The following KATNAL1 variants were observed in gnomAD, a reference collection of about 807,000 sequenced individuals.
KATNAL1 encodes the protein katanin p60 ATPase-containing subunit A-like 1.
KATNAL1 carries 32 observed loss-of-function variants against 55.2 expected under a neutral mutation model. The ratio of observed to expected loss-of-function variants is 0.58; its 90% CI spans 0.44 to 0.78. KATNAL1 has a LOEUF of 0.78. Among genes scored for constraint, KATNAL1 ranks in the 30% least tolerant of loss-of-function variants. The probability of loss-of-function intolerance (pLI) is 0.00; values close to 1 mark genes in which losing one functional copy is unlikely to be tolerated. For synonymous variants in KATNAL1, 193 were observed against 193.6 expected, an observed-to-expected ratio of 1.00 and a Z score of 0.02; for missense variants, 466 against 600.9, an observed-to-expected ratio of 0.78 and a Z score of 2.35.
intron 8 of KATNAL1, among the ~76,000 whole-genome samples, chr13:30,229,948 CTTTTTTTTT>C (rs35961753): frequency 7.3e-6 from 1 of 137,094 alleles, no homozygotes. Flanking sequence ...AGAAGAGGGG[CTTTTTTTTT>C]TTTTTTTTTA....
chr13:30,258,139 G>A (rs1046877573), intron 3 of KATNAL1, among the ~76,000 whole-genome samples: 14 of 152,102 alleles, frequency 9.2e-5, no homozygotes, highest in African/African-American at 3.1e-4. Context: ...ACTAGCTTAC[G>A]GCACTTCAAA....
At chr13:30,218,090 G>A (rs1874470455) in intron 9 of KATNAL1, among the ~76,000 whole-genome samples, 2 of 151,932 alleles carry the variant, frequency 1.3e-5, no homozygotes, top group African/African-American at 2.4e-5. Context: ...GAAGTAGGAA[G>A]AAGCATGCGT....
At chr13:30,269,363 C>T (rs1186122730) in intron 3 of KATNAL1, among the ~76,000 whole-genome samples, 4 of 152,234 alleles carry the variant, frequency 2.6e-5, no homozygotes, top group African/African-American at 4.8e-5. Flanking sequence ...GGATTGCAGA[C>T]GGAGTCTGGT....
chr13:30,253,744 TA>T (rs1366612778), intron 4 of KATNAL1, among the ~76,000 whole-genome samples: 3 of 152,048 alleles, frequency 2.0e-5, no homozygotes, highest in African/African-American at 7.2e-5. Flanking sequence ...GAGTCACATT[TA>T]AAAACCAACA....
intron 2 of KATNAL1, among the ~76,000 whole-genome samples, chr13:30,282,833 T>C (rs1330124292): frequency 6.6e-6 from 1 of 150,470 alleles, no homozygotes; most frequent in Non-Finnish European, 1.5e-5. Context: ...TGGGCGCATG[T>C]AGTCCCAGCT....
At chr13:30,247,417 T>G (rs1050414643) in intron 4 of KATNAL1, among the ~76,000 whole-genome samples, 2 of 152,244 alleles carry the variant, frequency 1.3e-5, no homozygotes, top group Non-Finnish European at 2.9e-5. Flanking sequence ...TCAATACGTA[T>G]GTTCTTTCAA....
chr13:30,246,401 G>C (rs1001627965), intron 4 of KATNAL1, among the ~76,000 whole-genome samples: 4 of 152,112 alleles, frequency 2.6e-5, no homozygotes, highest in Non-Finnish European at 5.9e-5. Context: ...ACTCAAGATG[G>C]ATTTAAGACT....
At chr13:30,233,215 G>C (rs1876280776) in intron 6 of KATNAL1, among the ~76,000 whole-genome samples, 1 of 152,126 alleles carries the variant, frequency 6.6e-6, no homozygotes, top group Non-Finnish European at 1.5e-5. Context: ...CATCTGACAA[G>C]GGATTAGTAA....
intron 4 of KATNAL1, among the ~76,000 whole-genome samples, chr13:30,252,745 T>A (rs1381596696): frequency 6.6e-6 from 1 of 151,614 alleles, no homozygotes; most frequent in Non-Finnish European, 1.5e-5. Flanking sequence ...AATTTTCCTT[T>A]CTTTTTTTTT....
chr13:30,241,128 T>C, intron 4 of KATNAL1, 42 bp from the exon 5 acceptor site: 1 of 1,532,816 alleles, frequency 6.5e-7, no homozygotes, highest in East Asian at 2.3e-5. Context: ...CAGTAATGGA[T>C]AATTTAGTTA....
At chr13:30,301,967 T>A (rs1459629040) in intron 1 of KATNAL1, among the ~76,000 whole-genome samples, 2 of 152,136 alleles carry the variant, frequency 1.3e-5, no homozygotes, top group African/African-American at 4.8e-5. Flanking sequence ...GACCTCCCAG[T>A]CTCAACCAAT....
chr13:30,238,479 C>T (rs1157812379), intron 6 of KATNAL1, among the ~76,000 whole-genome samples: 1 of 152,124 alleles, frequency 6.6e-6, no homozygotes, highest in Non-Finnish European at 1.5e-5. Context: ...GCATCTATTT[C>T]CCAAAAACAC....
chr13:30,224,033 T>G (rs1231760709), intron 9 of KATNAL1, among the ~76,000 whole-genome samples: 1 of 151,830 alleles, frequency 6.6e-6, no homozygotes, highest in Admixed American at 6.6e-5. Flanking sequence ...AAAGTAAAAA[T>G]CAACAATAAG....
chr13:30,296,863 C>T, intron 1 of KATNAL1: 6 of 354,380 alleles, frequency 1.7e-5, no homozygotes, highest in Non-Finnish European at 3.3e-5. Flanking sequence ...ACACCACAGT[C>T]TGGGACCCTG....
intron 4 of KATNAL1, among the ~76,000 whole-genome samples, chr13:30,247,918 T>A (rs190982808): frequency 6.6e-6 from 1 of 152,020 alleles, no homozygotes; most frequent in Non-Finnish European, 1.5e-5. Context: ...AGTGGTAGAG[T>A]CTGAGAGAGG....
At chr13:30,293,675 C>T (rs1882287875) in intron 1 of KATNAL1, among the ~76,000 whole-genome samples, 1 of 152,190 alleles carries the variant, frequency 6.6e-6, no homozygotes, top group Non-Finnish European at 1.5e-5. Flanking sequence ...CCTTTTGCCA[C>T]TTTGTATTTG....
chr13:30,259,466 T>G (rs111841084), intron 3 of KATNAL1, among the ~76,000 whole-genome samples: 6,843 of 152,206 alleles, frequency 0.045, 537 homozygotes, highest in African/African-American at 0.16. Context: ...GGTACTGGGT[T>G]CATCTCACTA....
At chr13:30,296,779 G>A (rs1882530222) in intron 1 of KATNAL1, 2 of 453,014 alleles carry the variant, frequency 4.4e-6, no homozygotes, top group African/African-American at 2.0e-5. Flanking sequence ...CTAGGTGCCT[G>A]TGCTGGGTGC....
At position 30,283,278 on chromosome 13, in the gene KATNAL1, A is replaced by AAG. The variant is rs1178798475; in HGVS notation, c.162+337_162+338insCT. ...CAAGACTCTGTCTCAAAAAAAAAAA[A>AAG]AAAAAAAAAAAAAGGAATGAATGAA... On this transcript the variant is annotated intron_variant, in intron 2 of 10. Transcript: ENST00000380615. 1.9e-4 allele frequency among the ~76,000 whole-genome samples: 29 copies of AAG among 150,252 alleles called. No homozygotes were observed. The East Asian group carries it at 5.6e-3, about 29-fold the overall frequency.
Sources: allele counts gnomAD v4.1 joint callset (sites outside exome capture counted in the v4.1 genomes callset), GRCh38; gene constraint gnomAD v4.1.1; transcripts MANE v1.5; gene names NCBI Gene and HGNC (gene_info 2026-07-23, HGNC 2026-07-21).